Variants in CPEB3 observed in about 807,000 individuals in gnomAD.
CPEB3 encodes the protein cytoplasmic polyadenylation element binding protein 3, also known as cytoplasmic polyadenylation element-binding protein 3.
Under a neutral mutation model 67.2 loss-of-function variants are expected in CPEB3, and 20 were observed. The ratio of observed to expected loss-of-function variants is 0.30; its 90% CI spans 0.21 to 0.43. CPEB3 has a LOEUF of 0.43. CPEB3 is among the 20% of genes least tolerant of loss of function. The probability of loss-of-function intolerance (pLI) is 1.00; values close to 1 mark genes in which losing one functional copy is unlikely to be tolerated. For synonymous variants in CPEB3, 376 were observed against 393.1 expected, an observed-to-expected ratio of 0.96 and a Z score of 0.51; for missense variants, 746 against 968.6, an observed-to-expected ratio of 0.77 and a Z score of 3.05.
intron 1 of CPEB3, among the ~76,000 whole-genome samples, chr10:92,285,598 T>C (rs754215885): frequency 2.0e-4 from 30 of 152,146 alleles, no homozygotes; most frequent in African/African-American, 5.3e-4. Context: ...CATATGAACA[T>C]TGGGGGACAC....
At chr10:92,143,280 T>C (rs1463107581) in intron 5 of CPEB3, among the ~76,000 whole-genome samples, 162 bp from the exon 6 acceptor site, 4 of 152,224 alleles carry the variant, frequency 2.6e-5, no homozygotes, top group Non-Finnish European at 4.4e-5. Flanking sequence ...ATACCATTGC[T>C]TGGGTGTACA....
rs200544589 is a variant in CPEB3, at chr10:92,145,590, G to C, written c.1223-505C>G. On this transcript the variant is annotated intron_variant, in intron 4 of 9. Coordinates refer to ENST00000265997, the MANE Select transcript of CPEB3 (RefSeq NM_014912.5). ...GTGGAGGATGCAGTGAGCCAAGATC[G>C]TGCCATTGCACTCCAGCCTGAGCAA... Among the ~76,000 whole-genome samples the C allele has an allele frequency of 7.3e-5, 11 of 150,542 alleles. No homozygotes were observed. The East Asian group carries it at 2.1e-3, about 29-fold the overall frequency.
intron 9 of CPEB3, among the ~76,000 whole-genome samples, chr10:92,074,685 T>C (rs1209600000): frequency 6.6e-6 from 1 of 152,130 alleles, no homozygotes; most frequent in Admixed American, 6.5e-5. Context: ...AAGTACATAG[T>C]ACATGAAGGG....
At chr10:92,181,341 T>C (rs1339441916) in intron 3 of CPEB3, among the ~76,000 whole-genome samples, 3 of 142,996 alleles carry the variant, frequency 2.1e-5, no homozygotes, top group South Asian at 2.2e-4. Flanking sequence ...TAAACAACCA[T>C]TTATACTGTC....
rs372033676 is a variant in CPEB3 at position 92,183,753 on chromosome 10, G to C, written c.1166-2734C>G. On this transcript the variant is annotated intron_variant, in intron 3 of 9. Coordinates refer to ENST00000265997, the MANE Select transcript of CPEB3 (RefSeq NM_014912.5). The stretch of plus-strand genomic sequence containing the variant: ...TTAACCAAGGAATATTTAGAGGAGG[G>C]TGTGCTATCTAAAAAGTTAGCAATA... 3.9e-4 allele frequency among the ~76,000 whole-genome samples: 60 copies of C among 152,216 alleles called. No individual in the cohort carries two copies. In the East Asian group the frequency reaches 9.1e-3, roughly 23 times the overall value.
At chr10:92,161,626 C>G (rs1847486115) in intron 4 of CPEB3, among the ~76,000 whole-genome samples, 2 of 151,646 alleles carry the variant, frequency 1.3e-5, no homozygotes, top group South Asian at 4.2e-4. Flanking sequence ...CTACCTTGGT[C>G]CTGTTATAGT....
intron 2 of CPEB3, among the ~76,000 whole-genome samples, chr10:92,208,173 C>T (rs981865419): frequency 6.6e-6 from 1 of 152,104 alleles, no homozygotes; most frequent in African/African-American, 2.4e-5. Flanking sequence ...TATTTTGTAG[C>T]CTGAGTATGC....
intron 4 of CPEB3, among the ~76,000 whole-genome samples, chr10:92,155,190 CAA>C (rs1194831228): frequency 6.6e-6 from 1 of 152,128 alleles, no homozygotes; most frequent in Non-Finnish European, 1.5e-5. Context: ...GCCTGGGCGA[CAA>C]AGTGAGACTC....
intron 4 of CPEB3, among the ~76,000 whole-genome samples, chr10:92,149,139 G>T (rs916399328): frequency 6.6e-6 from 1 of 152,150 alleles, no homozygotes. Flanking sequence ...GACCTCAAGT[G>T]ATCTGCCTGT....
chr10:92,164,508 C>T (rs537109628), intron 4 of CPEB3, among the ~76,000 whole-genome samples: 30 of 152,290 alleles, frequency 2.0e-4, no homozygotes, highest in South Asian at 6.2e-4. Flanking sequence ...TCTCCCTTCT[C>T]GCCATAGTTT....
intron 7 of CPEB3, among the ~76,000 whole-genome samples, chr10:92,102,598 T>C (rs1018488597): frequency 6.6e-6 from 1 of 152,244 alleles, no homozygotes; most frequent in Non-Finnish European, 1.5e-5. Flanking sequence ...CAATTCGGTA[T>C]ACTGTTTCAT....
intron 2 of CPEB3, among the ~76,000 whole-genome samples, chr10:92,224,030 G>T (rs979237514): frequency 6.6e-6 from 1 of 152,178 alleles, no homozygotes; most frequent in Admixed American, 6.5e-5. Context: ...CTCCCAAAGT[G>T]CTGGGATTAC....
At chr10:92,227,505 A>C (rs1182447521) in intron 2 of CPEB3, among the ~76,000 whole-genome samples, 1 of 152,236 alleles carries the variant, frequency 6.6e-6, no homozygotes, top group Non-Finnish European at 1.5e-5. Flanking sequence ...GGTAACAAAA[A>C]TACTACCTAA....
intron 7 of CPEB3, among the ~76,000 whole-genome samples, chr10:92,097,181 T>G (rs1055738808): frequency 6.6e-6 from 1 of 151,596 alleles, no homozygotes; most frequent in Non-Finnish European, 1.5e-5. Context: ...TCAGACTTTT[T>G]CCATTTTTCA....
chr10:92,255,623 T>G lies in CPEB3; in HGVS notation c.-11-15262A>C, dbSNP rs1168666657. ...GAACTCCGCAGGGCCACCATCTTGA[T>G]TTCAGTCTATTAACACCCTGAACAA... On this transcript the variant is annotated intron_variant, in intron 1 of 9. Coordinates refer to ENST00000265997, the MANE Select transcript of CPEB3 (RefSeq NM_014912.5). 2.0e-5 allele frequency among the ~76,000 whole-genome samples: 3 copies of G among 152,204 alleles called. 1 individual carries two copies. The highest frequency in any genetic ancestry group is 2.1e-4 in the South Asian group (1 of 4,834).
chr10:92,190,316 G>T (rs934284912), intron 3 of CPEB3, among the ~76,000 whole-genome samples: 3 of 151,558 alleles, frequency 2.0e-5, no homozygotes, highest in Non-Finnish European at 4.4e-5. Flanking sequence ...CTGTACTTGA[G>T]TTTTGAGACC....
chr10:92,181,866 A>G (rs559658156), intron 3 of CPEB3, among the ~76,000 whole-genome samples: 2 of 152,374 alleles, frequency 1.3e-5, no homozygotes, highest in East Asian at 3.9e-4. Flanking sequence ...TAAGTCAGAA[A>G]CAGATGCTTC....
chr10:92,168,771 A>G (rs1847864505), intron 4 of CPEB3, among the ~76,000 whole-genome samples: 3 of 141,364 alleles, frequency 2.1e-5, no homozygotes, highest in Admixed American at 1.4e-4. Flanking sequence ...CAGAGCTGTG[A>G]GTCAATTAAA....
intron 6 of CPEB3, chr10:92,137,306 C>T: frequency 2.9e-6 from 2 of 689,430 alleles, no homozygotes; most frequent in Non-Finnish European, 4.9e-6. Flanking sequence ...ATGGAAGTTC[C>T]CCATATCATC....
Sources: allele counts gnomAD v4.1 joint callset (sites outside exome capture counted in the v4.1 genomes callset), GRCh38; gene constraint gnomAD v4.1.1; transcripts MANE v1.5; gene names NCBI Gene and HGNC (gene_info 2026-07-23, HGNC 2026-07-21).